PPM1E: variants seen among roughly 807,000 people sequenced by gnomAD.
PPM1E encodes protein phosphatase 1E.
Under a neutral mutation model 65.9 loss-of-function variants are expected in PPM1E, and 20 were observed. That is an observed-to-expected ratio of 0.30 (90% CI 0.21 to 0.44). The LOEUF (loss-of-function observed/expected upper bound fraction) is 0.44, where lower values mean the gene tolerates loss of function less well. PPM1E is among the 20% of genes least tolerant of loss of function. The pLI is 1.00. For synonymous variants in PPM1E, 352 were observed against 374.9 expected (o/e 0.94, Z 0.70); for missense variants, 713 against 953.1 (o/e 0.75, Z 3.32).
intron 1 of PPM1E, among the ~76,000 whole-genome samples, chr17:58,762,881 G>A (rs2049836273): frequency 7.0e-6 from 1 of 142,930 alleles, no homozygotes; most frequent in South Asian, 2.2e-4. Context: ...CTGGGCGACA[G>A]AGCGAGACTC....
intron 1 of PPM1E, among the ~76,000 whole-genome samples, chr17:58,785,145 G>C (rs988534050): frequency 5.3e-5 from 8 of 151,990 alleles, no homozygotes; most frequent in Admixed American, 5.3e-4. Context: ...GATAATTTGT[G>C]TATATAGAGG....
intron 4 of PPM1E, among the ~76,000 whole-genome samples, chr17:58,971,350 G>A (rs565894013): frequency 3.3e-5 from 5 of 152,096 alleles, no homozygotes; most frequent in South Asian, 2.1e-4. Flanking sequence ...CACCCCTGAC[G>A]CATTGGTTCT....
chr17:58,923,268 G>A (rs1225038625), intron 1 of PPM1E, among the ~76,000 whole-genome samples: 1 of 135,998 alleles, frequency 7.4e-6, no homozygotes, highest in East Asian at 2.2e-4. Context: ...CTGGGTGACA[G>A]AGTGAGACCC....
intron 1 of PPM1E, among the ~76,000 whole-genome samples, chr17:58,830,292 G>GTTGTTGTTATTATTATTA (rs1555612724): frequency 3.4e-5 from 5 of 146,834 alleles, no homozygotes; most frequent in Non-Finnish European, 4.5e-5. Flanking sequence ...TGTTGTTGTT[G>GTTGTTGTTATTATTATTA]TTATTATTAT....
At chr17:58,965,651 T>C in intron 2 of PPM1E, 43 bp from the exon 3 acceptor site, 7 of 1,587,874 alleles carry the variant, frequency 4.4e-6, no homozygotes, top group Non-Finnish European at 6.0e-6. Flanking sequence ...GAAAAGCAGT[T>C]TTACAAGGCT....
chr17:58,777,297 T>G (rs757566741), intron 1 of PPM1E, among the ~76,000 whole-genome samples: 2 of 152,210 alleles, frequency 1.3e-5, no homozygotes, highest in Non-Finnish European at 2.9e-5. Flanking sequence ...ATTTTTATTT[T>G]CAATGCAAAT....
chr17:58,765,896 T>TC (rs1186999528), intron 1 of PPM1E, among the ~76,000 whole-genome samples: 1 of 144,458 alleles, frequency 6.9e-6, no homozygotes, highest in Admixed American at 7.0e-5. Context: ...TTTTTTTTTT[T>TC]CCAAGATGGT....
At position 58,766,413 on chromosome 17, in the gene PPM1E, G is replaced by A. The variant is rs182896521; in HGVS notation, c.464+9952G>A. On this transcript the variant is annotated intron_variant, in intron 1 of 6. Transcript: ENST00000308249. ...GACAGGGTTTCATCATGTTGGTCAG[G>A]CTGGTCTCGAACTCCCGACCTCATG... Among the ~76,000 whole-genome samples, 7 of 150,006 alleles carry A rather than the reference G, an allele frequency of 4.7e-5. No individual in the cohort carries two copies. In the East Asian group the frequency reaches 1.4e-3, roughly 30 times the overall value.
rs563029168 is a variant in PPM1E at position 58,828,848 on chromosome 17, CA to C, written c.464+72388del. 4.6e-5 allele frequency among the ~76,000 whole-genome samples: 7 copies of C among 152,194 alleles called. No individual in the cohort carries two copies. The South Asian group carries it at 1.5e-3, about 32-fold the overall frequency. On this transcript the variant is annotated intron_variant, in intron 1 of 6. Transcript: ENST00000308249. ...TGTTTCTTGTTTTTTAAATTATAGA[CA>C]GTAACTCTTTGTTTTTTATTCTAGA...
intron 4 of PPM1E, among the ~76,000 whole-genome samples, chr17:58,971,529 G>C (rs1421137922): frequency 6.6e-6 from 1 of 152,102 alleles, no homozygotes. Flanking sequence ...CAAAAGCAAA[G>C]ACCCCTAAAA....
chr17:58,972,190 T>G lies in PPM1E; in HGVS notation c.1031T>G (p.Val344Gly). 1 of 1,614,126 alleles carries G rather than the reference T, an allele frequency of 6.2e-7. No homozygotes were observed. The highest frequency in any genetic ancestry group is 8.5e-7 in the Non-Finnish European group (1 of 1,179,982). Residue 344 changes from valine (V) to glycine (G), a missense_variant, in exon 5 of 7, where the codon GTG becomes GGG. Coordinates refer to ENST00000308249, the MANE Select transcript of PPM1E (RefSeq NM_014906.5). ...VTFIRGNMLHVAWVGDSQVML... is the reference protein window; with the variant it reads ...VTFIRGNMLHGAWVGDSQVML... ...TTCATCAGAGGCAACATGCTACATG[T>G]GGCCTGGGTGGGTGATTCCCAGGTT... is the stretch of plus-strand genomic sequence containing the variant.
At chr17:58,796,412 A>G (rs2050206588) in intron 1 of PPM1E, among the ~76,000 whole-genome samples, 1 of 152,128 alleles carries the variant, frequency 6.6e-6, no homozygotes, top group Non-Finnish European at 1.5e-5. Flanking sequence ...CTGCGACTAC[A>G]GGCATGTGCC....
At chr17:58,911,938 C>T (rs1199629071) in intron 1 of PPM1E, among the ~76,000 whole-genome samples, 1 of 152,146 alleles carries the variant, frequency 6.6e-6, no homozygotes, top group African/African-American at 2.4e-5. Context: ...TTTACTTGTG[C>T]AGAAGGGTGC....
intron 1 of PPM1E, among the ~76,000 whole-genome samples, chr17:58,911,777 G>A (rs2051629742): frequency 6.6e-6 from 1 of 152,148 alleles, no homozygotes; most frequent in African/African-American, 2.4e-5. Flanking sequence ...TTGAGTCCTT[G>A]TGGAGGGCAA....
chr17:58,776,586 T>C (rs1204297627), intron 1 of PPM1E, among the ~76,000 whole-genome samples: 1 of 152,220 alleles, frequency 6.6e-6, no homozygotes, highest in Non-Finnish European at 1.5e-5. Context: ...CCTTGATCTG[T>C]GTCATTTCCT....
At chr17:58,796,863 T>C (rs974737689) in intron 1 of PPM1E, among the ~76,000 whole-genome samples, 1 of 152,188 alleles carries the variant, frequency 6.6e-6, no homozygotes, top group Non-Finnish European at 1.5e-5. Flanking sequence ...CCTAGCACTT[T>C]GGGAGGCTGA....
At position 58,903,136 on chromosome 17, in the gene PPM1E, C is replaced by T. The variant is rs148627451; in HGVS notation, c.465-52513C>T. On this transcript the variant is annotated intron_variant, in intron 1 of 6. Transcript: ENST00000308249. ...TGTCTGCAGTTATCACCATCATGGA[C>T]TGATACCCTTATTGAATAAGTTCTG... Among the ~76,000 whole-genome samples the T allele has an allele frequency of 9.1e-3, 1,388 of 152,282 alleles. 20 individuals are homozygous for T. The highest frequency in any genetic ancestry group is 0.031 in the African/African-American group (1,302 of 41,564).
At chr17:58,851,702 T>C (rs1261716937) in intron 1 of PPM1E, among the ~76,000 whole-genome samples, 2 of 152,204 alleles carry the variant, frequency 1.3e-5, no homozygotes, top group African/African-American at 4.8e-5. Flanking sequence ...CTGGGAGATG[T>C]CTCCCAGTTA....
rs187337904 is a variant in PPM1E at position 58,955,479 on chromosome 17, T to C, written c.465-170T>C. ...GAGCCATGTCTGTGTTATGCATCAA[T>C]ATATATCCAGTGCCCAGAGTGCCTA... is the stretch of plus-strand genomic sequence containing the variant. On this transcript the variant is annotated intron_variant, in intron 1 of 6. Coordinates refer to ENST00000308249, the MANE Select transcript of PPM1E (RefSeq NM_014906.5). The C allele has an allele frequency of 1.4e-4, 101 of 725,702 alleles. No homozygotes were observed. The African/African-American group carries it at 1.7e-3, about 12-fold the overall frequency. 45.0% of individuals were successfully genotyped at this position (725,702 alleles called of 1,614,324 possible).
Sources: gnomAD v4.1 joint callset for allele counts (sites outside exome capture counted in the v4.1 genomes callset) on GRCh38, gnomAD v4.1.1 for gene constraint, MANE v1.5 for transcripts, NCBI Gene and HGNC (gene_info 2026-07-23, HGNC 2026-07-21) for gene names.